LMO7: variants seen among roughly 807,000 people sequenced by gnomAD.
LMO7 encodes LIM domain 7, also known as LIM domain only protein 7.
In LMO7, 120 loss-of-function variants were observed where a neutral mutation model predicts 206.5. That is an observed-to-expected ratio of 0.58 (90% CI 0.50 to 0.68). The LOEUF is 0.68. Ranked by LOEUF, LMO7 falls within the 30% of genes least tolerant of loss-of-function variation. The pLI is 0.00. For missense variants in LMO7, 1,959 were observed against 1,957.9 expected, an observed-to-expected ratio of 1.00 and a Z score of -0.01; for synonymous variants, 706 against 681.5, an observed-to-expected ratio of 1.04 and a Z score of -0.56.
chr13:75,726,430 A>C (rs564507121), intron 2 of LMO7, among the ~76,000 whole-genome samples: 3 of 152,080 alleles, frequency 2.0e-5, no homozygotes, highest in Admixed American at 2.0e-4. Context: ...TTCTGAGGTA[A>C]CTTAGTTAAT....
chr13:75,677,393 T>G (rs535031628), intron 1 of LMO7, among the ~76,000 whole-genome samples: 99 of 152,362 alleles, frequency 6.5e-4, no homozygotes, highest in Non-Finnish European at 1.3e-3. Context: ...ATATCATATT[T>G]AGAAATTAAT....
At chr13:75,621,104 G>A (rs116525665) in exon 1 of LMO7, 1 of 152,074 alleles carries the variant, frequency 6.6e-6, no homozygotes, top group African/African-American at 2.4e-5. Context: ...TATAAATGAA[G>A]TACATAAAGT....
intron 8 of LMO7, 135 bp downstream of exon 8, chr13:75,804,676 A>G (rs891739746): frequency 6.7e-6 from 8 of 1,186,984 alleles, no homozygotes; most frequent in Non-Finnish European, 8.1e-6. Flanking sequence ...AATATTTTTC[A>G]TCCCTCTATT....
intron 1 of LMO7, among the ~76,000 whole-genome samples, chr13:75,668,537 A>C (rs989236355): frequency 6.6e-6 from 1 of 152,194 alleles, no homozygotes; most frequent in Non-Finnish European, 1.5e-5. Flanking sequence ...CTTAACATGC[A>C]CAGACCAGGG....
chr13:75,824,539 C>T (rs1449244656), intron 15 of LMO7, among the ~76,000 whole-genome samples: 1 of 152,082 alleles, frequency 6.6e-6, no homozygotes, highest in Non-Finnish European at 1.5e-5. Context: ...ACTTAAATTT[C>T]TAATAGATGA....
intron 2 of LMO7, among the ~76,000 whole-genome samples, chr13:75,626,352 G>GA (rs1419450537): frequency 3.3e-5 from 5 of 151,700 alleles, no homozygotes; most frequent in South Asian, 2.1e-4. Flanking sequence ...GGCAGCAAGA[G>GA]AAAATGAGGA....
chr13:75,649,717 C>T (rs17704212), intron 1 of LMO7, among the ~76,000 whole-genome samples: 35,901 of 152,032 alleles, frequency 0.24, 4,507 homozygotes, highest in Middle Eastern at 0.29. Context: ...CTACTGTCAG[C>T]TTACCTACCT....
At chr13:75,732,858 G>T (rs1315301790) in intron 3 of LMO7, among the ~76,000 whole-genome samples, 1 of 152,188 alleles carries the variant, frequency 6.6e-6, no homozygotes, top group African/African-American at 2.4e-5. Flanking sequence ...ACCCTCAGCT[G>T]CAGGTCTGTT....
At chr13:75,748,877 C>A (rs750857473) in intron 3 of LMO7, among the ~76,000 whole-genome samples, 2 of 149,272 alleles carry the variant, frequency 1.3e-5, no homozygotes, top group Admixed American at 1.4e-4. Flanking sequence ...GTGGCCTGAT[C>A]TTGGCTCATT....
intron 4 of LMO7, among the ~76,000 whole-genome samples, chr13:75,769,110 T>A (rs2049290787): frequency 6.6e-6 from 1 of 152,134 alleles, no homozygotes; most frequent in South Asian, 2.1e-4. Flanking sequence ...AAACTTTATT[T>A]TTTTTCTTTA....
In LMO7 at chr13:75,841,732, A is replaced by G. The variant is rs2139242406; in HGVS notation, c.3780A>G (p.Arg1260=). ...TWSEGSKSSD[R]EGTRAGEEER... ...GTGAAGGGTCCAAGTCTTCAGACAG[A>G]GAAGGAACCCGAGCAGGAGAAGAGG... Residue 1260 remains arginine, a synonymous_variant, in exon 24 of 31, where the codon AGA becomes AGG. Coordinates refer to ENST00000377534, the MANE Select transcript of LMO7 (RefSeq NM_001306080.2). The G allele has an allele frequency of 6.2e-7, 1 of 1,614,112 alleles. No homozygotes were observed. The highest frequency in any genetic ancestry group is 8.5e-7 in the Non-Finnish European group (1 of 1,180,006).
rs757734340 is a variant in LMO7, at chr13:75,849,141, G to C, written c.4213G>C (p.Glu1405Gln). 2 of 1,613,622 alleles carry C rather than the reference G, an allele frequency of 1.2e-6. No homozygotes were observed. The highest frequency in any genetic ancestry group is 1.7e-6 in the Non-Finnish European group (2 of 1,179,538). ...CTCTTCACAGAGGAGATCCAAGAAA[G>C]AACAAGTACCATCAGGAGCAGAATT... ...MTSSQRRSKK[E>Q]QVPSGAELER... is the part of the protein sequence containing the mutation. The change falls in exon 27 of 31, where the codon GAA (glutamate) becomes CAA (glutamine). Residue 1405 changes from glutamate to glutamine, a missense_variant. By Grantham distance (29) the Glu-to-Gln change is conservative. Transcript: ENST00000377534.
chr13:75,633,188 A>G (rs79367314), upstream of LMO7, among the ~76,000 whole-genome samples: 1,549 of 152,168 alleles, frequency 0.01, 24 homozygotes, highest in African/African-American at 0.035. Context: ...TGAATAGCCG[A>G]CAAGAGAGAA....
In LMO7 at chr13:75,690,240, C is replaced by T. The variant is rs79599328; in HGVS notation, c.70-22942C>T. 3.5e-4 allele frequency among the ~76,000 whole-genome samples: 54 copies of T among 152,126 alleles called. No individual in the cohort carries two copies. The East Asian group carries it at 9.9e-3, about 28-fold the overall frequency. On this transcript the variant is annotated intron_variant, in intron 1 of 30. Transcript: ENST00000377534. The stretch of plus-strand genomic sequence containing the variant: ...TGTGGCCTCCACATAGCCTGAGCCA[C>T]CTTCTCCTCAGAAAAGACCAAACCA...
intron 3 of LMO7, among the ~76,000 whole-genome samples, chr13:75,750,399 T>C (rs1243398964): frequency 4.1e-4 from 38 of 91,886 alleles, no homozygotes; most frequent in Admixed American, 2.7e-3. Flanking sequence ...TTTTTTTTTT[T>C]CCTTTTTGGA....
intron 1 of LMO7, among the ~76,000 whole-genome samples, chr13:75,639,493 C>T (rs1283053883): frequency 6.6e-6 from 1 of 152,148 alleles, no homozygotes; most frequent in African/African-American, 2.4e-5. Flanking sequence ...TGGTTTAAAA[C>T]CAAGTAATGG....
chr13:75,833,968 TAAA>T (rs2058908962), intron 16 of LMO7, among the ~76,000 whole-genome samples: 1 of 152,146 alleles, frequency 6.6e-6, no homozygotes, highest in South Asian at 2.1e-4. Context: ...GGGAGGTTAA[TAAA>T]GAAGTCTTAT....
chr13:75,765,196 C>T (rs766307830), intron 4 of LMO7, among the ~76,000 whole-genome samples: 1 of 151,968 alleles, frequency 6.6e-6, no homozygotes, highest in Non-Finnish European at 1.5e-5. Context: ...AACAGTCTGC[C>T]AAATTGGGCT....
intron 4 of LMO7, among the ~76,000 whole-genome samples, chr13:75,792,666 A>T (rs925987152): frequency 2.0e-5 from 3 of 152,162 alleles, no homozygotes; most frequent in Non-Finnish European, 2.9e-5. Context: ...CAGGCAAAGG[A>T]GCTGCTTGGT....
Sources: gnomAD v4.1 joint callset for allele counts (sites outside exome capture counted in the v4.1 genomes callset) on GRCh38, gnomAD v4.1.1 for gene constraint, MANE v1.5 for transcripts, NCBI Gene and HGNC (gene_info 2026-07-23, HGNC 2026-07-21) for gene names.